Variants in DGKH observed in about 807,000 individuals in gnomAD.
DGKH encodes DAG kinase eta.
Under a neutral mutation model 159.3 loss-of-function variants are expected in DGKH, and 90 were observed. That is an observed-to-expected ratio of 0.57 (90% CI 0.48 to 0.67). The LOEUF is 0.67. DGKH is among the 30% of genes least tolerant of loss of function. The pLI, the probability that DGKH is intolerant of heterozygous loss-of-function variation, is 0.00. For missense variants in DGKH, 1,181 were observed against 1,506.1 expected, an observed-to-expected ratio of 0.78 and a Z score of 3.57; for synonymous variants, 536 against 553.8, an observed-to-expected ratio of 0.97 and a Z score of 0.45.
Position 42,160,414 on chromosome 13 carries a change from G to A in DGKH, c.855+278G>A, listed in dbSNP as rs1956150629. Among the ~76,000 whole-genome samples the A allele has an allele frequency of 2.0e-5, 3 of 152,308 alleles. No individual in the cohort carries two copies. The South Asian group carries it at 6.2e-4, about 32-fold the overall frequency. On this transcript the variant is annotated intron_variant, in intron 7 of 29. Transcript: ENST00000337343. ...TTTTTCATTTTGCTTTATCAACAAA[G>A]TGATTTGCTGTATTCAGGCCTATTT...
intron 1 of DGKH, among the ~76,000 whole-genome samples, chr13:42,040,362 C>T (rs1404117660): frequency 6.6e-6 from 1 of 152,124 alleles, no homozygotes; most frequent in Non-Finnish European, 1.5e-5. Context: ...CTCCGCGCGC[C>T]CGGCCCCGGG....
intron 3 of DGKH, among the ~76,000 whole-genome samples, chr13:42,152,473 A>C (rs1427355340): frequency 4.7e-5 from 7 of 150,166 alleles, no homozygotes. Context: ...ATATACATAC[A>C]CATGTATACA....
chr13:42,155,917 TATTTTTGCTC>T (rs1956031538), intron 5 of DGKH, 118 bp downstream of exon 5: 3 of 1,186,516 alleles, frequency 2.5e-6, no homozygotes, highest in Non-Finnish European at 3.4e-6. Flanking sequence ...GCTTGGAAAA[TATTTTTGCTC>T]AGGAAAAAAA....
intron 20 of DGKH, among the ~76,000 whole-genome samples, chr13:42,202,978 C>T (rs1026482836): frequency 9.9e-5 from 15 of 152,048 alleles, no homozygotes; most frequent in African/African-American, 3.4e-4. Context: ...AAACAAATAA[C>T]TTTAAAAAAC....
At chr13:42,064,696 G>T (rs1048292159) in intron 1 of DGKH, among the ~76,000 whole-genome samples, 1 of 152,110 alleles carries the variant, frequency 6.6e-6, no homozygotes, top group African/African-American at 2.4e-5. Context: ...AGTACTAAAA[G>T]AAACTGTATA....
intron 1 of DGKH, among the ~76,000 whole-genome samples, chr13:42,084,858 G>A (rs553282085): frequency 7.9e-5 from 12 of 151,252 alleles, no homozygotes; most frequent in Non-Finnish European, 1.8e-4. Flanking sequence ...GAAAACAGAT[G>A]TTAGTGGTTA....
chr13:42,173,914 T>A lies in DGKH; in HGVS notation c.1368-146T>A, dbSNP rs1956529458. The A allele has an allele frequency of 1.5e-5, 7 of 477,448 alleles. No individual in the cohort carries two copies. In the East Asian group the frequency reaches 2.3e-4, roughly 16 times the overall value. The allele number at this position is 477,448 out of a possible 1,614,324, so 29.6% of individuals were successfully genotyped here. On this transcript the variant is annotated intron_variant, in intron 11 of 29. Transcript: ENST00000337343. The stretch of plus-strand genomic sequence containing the variant: ...TCTCTTTTCCCATTTTTGGTTGTTT[T>A]AAGATAAAATAAACCATAGTTCATG...
upstream of DGKH, among the ~76,000 whole-genome samples, chr13:42,046,736 T>C (rs1880813929): frequency 6.6e-6 from 1 of 152,196 alleles, no homozygotes; most frequent in Non-Finnish European, 1.5e-5. Context: ...AAACACATAA[T>C]GTATGAATAG....
chr13:42,166,246 C>A (rs1956312076), intron 8 of DGKH, among the ~76,000 whole-genome samples: 2 of 151,928 alleles, frequency 1.3e-5, no homozygotes, highest in Non-Finnish European at 2.9e-5. Flanking sequence ...CAACCTAAGC[C>A]CTGATTTTGT....
intron 1 of DGKH, among the ~76,000 whole-genome samples, chr13:42,107,345 C>T (rs1398638345): frequency 6.6e-6 from 1 of 152,198 alleles, no homozygotes; most frequent in Non-Finnish European, 1.5e-5. Flanking sequence ...ATGCCAGGAG[C>T]AGACACTGCA....
At chr13:42,125,996 G>A (rs1478840703) in intron 1 of DGKH, among the ~76,000 whole-genome samples, 1 of 152,084 alleles carries the variant, frequency 6.6e-6, no homozygotes, top group Admixed American at 6.5e-5. Flanking sequence ...ATTGAATGCT[G>A]TATAAATGTG....
upstream of DGKH, chr13:42,044,305 CTTCTTTTTTTTTT>C (rs1009576326): frequency 6.6e-6 from 1 of 151,112 alleles, no homozygotes; most frequent in Non-Finnish European, 1.5e-5. Flanking sequence ...TCTTTTTCTT[CTTCTTTTTTTTTT>C]GAGACAGACT....
At position 42,188,798 on chromosome 13, in the gene DGKH, T is replaced by C. The variant is rs17062957; in HGVS notation, c.1639-238T>C. ...CATGTAGTAAACATCAATAAAGCCA[T>C]TGTCCCTCTAAATCAAAAGCCATAA... On this transcript the variant is annotated intron_variant, in intron 14 of 29. Coordinates refer to ENST00000337343, the MANE Select transcript of DGKH (RefSeq NM_178009.5). 6.3e-3 allele frequency among the ~76,000 whole-genome samples: 960 copies of C among 152,316 alleles called. 6 individuals are homozygous for C. Among genetic ancestry groups the C allele is most frequent in the African/African-American group, 0.022 (895 of 41,580 alleles).
downstream of DGKH, among the ~76,000 whole-genome samples, chr13:42,244,195 A>G (rs1958557851): frequency 6.6e-6 from 1 of 152,188 alleles, no homozygotes; most frequent in Admixed American, 6.5e-5. Context: ...CGGGAGGGAA[A>G]TACAGATCTG....
At chr13:42,164,820 G>A (rs1566148419) in intron 7 of DGKH, among the ~76,000 whole-genome samples, 1 of 152,106 alleles carries the variant, frequency 6.6e-6, no homozygotes, top group Non-Finnish European at 1.5e-5. Flanking sequence ...ATAGGGAAAT[G>A]TCATAAAAGA....
chr13:42,100,752 G>A (rs150212012), intron 1 of DGKH, among the ~76,000 whole-genome samples: 5 of 152,218 alleles, frequency 3.3e-5, no homozygotes, highest in East Asian at 3.9e-4. Flanking sequence ...AATTCAACCC[G>A]CCTTACTCTT....
chr13:42,133,349 A>C lies in DGKH; in HGVS notation c.384+3717A>C, dbSNP rs751735732. On this transcript the variant is annotated intron_variant, in intron 3 of 29. Transcript: ENST00000337343. ...AAGACTTTTTGTTGAAATATTTTGA[A>C]GAAGTTTCTTCATTCAACCAAATAC... 2.0e-5 allele frequency among the ~76,000 whole-genome samples: 3 copies of C among 152,124 alleles called. No homozygotes were observed. In the South Asian group the frequency reaches 6.2e-4, roughly 31 times the overall value.
At position 42,228,803 on chromosome 13, in the gene DGKH, A is replaced by C. The variant is rs1257493330; in HGVS notation, c.3574-296A>C. Among the ~76,000 whole-genome samples the C allele has an allele frequency of 2.0e-5, 3 of 152,152 alleles. No homozygotes were observed. The East Asian group carries it at 5.8e-4, about 29-fold the overall frequency. On this transcript the variant is annotated intron_variant, in intron 29 of 29. Coordinates refer to ENST00000337343, the MANE Select transcript of DGKH (RefSeq NM_178009.5). ...CACTGTGTATAATTATGAGAATGTC[A>C]CAGTTAAGAGTTTATGTAGAATGTG...
At chr13:42,099,203 C>T (rs1954605636) in intron 1 of DGKH, among the ~76,000 whole-genome samples, 1 of 152,102 alleles carries the variant, frequency 6.6e-6, no homozygotes, top group Non-Finnish European at 1.5e-5. Context: ...TCATCCTGTC[C>T]TGCTTGTGTT....
Sources: gnomAD v4.1 joint callset for allele counts (sites outside exome capture counted in the v4.1 genomes callset) on GRCh38, gnomAD v4.1.1 for gene constraint, MANE v1.5 for transcripts, NCBI Gene and HGNC (gene_info 2026-07-23, HGNC 2026-07-21) for gene names.